Variants in MYO9A observed in about 807,000 individuals in gnomAD.
MYO9A encodes myosin IXA.
A neutral mutation model predicts 293.3 loss-of-function variants in MYO9A; 103 were observed. The observed-to-expected ratio is 0.35, with a 90% confidence interval of 0.30 to 0.41. MYO9A has a LOEUF of 0.41. MYO9A is among the 10% of genes least tolerant of loss of function. MYO9A has a pLI of 1.00. For synonymous variants in MYO9A, 1,001 were observed against 1,035.7 expected (o/e 0.97, Z 0.64); for missense variants, 2,685 against 3,033.0 (o/e 0.89, Z 2.69).
chr15:71,907,005 C>A (rs957225007), intron 19 of MYO9A, among the ~76,000 whole-genome samples: 1 of 148,908 alleles, frequency 6.7e-6, no homozygotes, highest in African/African-American at 2.5e-5. Flanking sequence ...AGGTTAGTTA[C>A]ATATGTATAC....
chr15:71,995,369 A>G (rs1481559641), intron 9 of MYO9A, among the ~76,000 whole-genome samples: 2 of 152,134 alleles, frequency 1.3e-5, no homozygotes, highest in Non-Finnish European at 2.9e-5. Context: ...TCACCCATAG[A>G]AACTTCTAGA....
intron 1 of MYO9A, among the ~76,000 whole-genome samples, chr15:72,100,435 G>C (rs1161528077): frequency 6.6e-6 from 1 of 151,894 alleles, no homozygotes; most frequent in East Asian, 1.9e-4. Context: ...TCTGGGATGT[G>C]GGGAGCCCCT....
intron 1 of MYO9A, among the ~76,000 whole-genome samples, chr15:72,053,913 A>G (rs2078644116): frequency 1.3e-5 from 2 of 152,208 alleles, no homozygotes; most frequent in Admixed American, 1.3e-4. Context: ...GAATAGGTAG[A>G]TCAAATAGAA....
chr15:71,991,278 A>T, intron 10 of MYO9A, 41 bp from the exon 11 acceptor site: 1 of 1,465,598 alleles, frequency 6.8e-7, no homozygotes, highest in South Asian at 1.3e-5. Context: ...GTAATGTTTA[A>T]ATTTATTTAA....
chr15:71,876,867 A>T (rs2056710670), intron 31 of MYO9A, among the ~76,000 whole-genome samples: 1 of 152,220 alleles, frequency 6.6e-6, no homozygotes, highest in African/African-American at 2.4e-5. Flanking sequence ...CCTGATAACC[A>T]TAGTACAGAA....
At chr15:72,031,988 C>T (rs1162618662) in intron 3 of MYO9A, among the ~76,000 whole-genome samples, 1 of 152,134 alleles carries the variant, frequency 6.6e-6, no homozygotes, top group Non-Finnish European at 1.5e-5. Context: ...CTCACTGCAA[C>T]CTCCACCTCC....
At chr15:72,065,814 T>C (rs1056576344) in intron 1 of MYO9A, among the ~76,000 whole-genome samples, 5 of 152,184 alleles carry the variant, frequency 3.3e-5, no homozygotes, top group Non-Finnish European at 5.9e-5. Flanking sequence ...TATGAGGATA[T>C]ATAAAAGGCC....
chr15:71,898,267 G>A lies in MYO9A; in HGVS notation c.4236C>T (p.Phe1412=). Residue 1412 remains phenylalanine, a synonymous_variant, in exon 25 of 42, where the codon TTC becomes TTT. Transcript: ENST00000356056. The part of the protein sequence containing the change: ...ITCKPQLKDS[F]ISNSLPTFFY... ...AAAAAGTAGGTAGACTATTTGAAAT[G>A]AAGGAGTCTTTCAGCTGTGGTTTAC... 1 of 1,614,126 alleles carries A rather than the reference G, an allele frequency of 6.2e-7. No individual in the cohort carries two copies. The highest frequency in any genetic ancestry group is 8.5e-7 in the Non-Finnish European group (1 of 1,180,024).
chr15:72,030,831 T>C (rs2149400899), intron 3 of MYO9A, among the ~76,000 whole-genome samples: 1 of 152,232 alleles, frequency 6.6e-6, no homozygotes, highest in East Asian at 1.9e-4. Flanking sequence ...TTTCTTCCTA[T>C]ACATACATAC....
intron 8 of MYO9A, among the ~76,000 whole-genome samples, chr15:72,001,553 C>CAAAAA (rs199812533): frequency 3.3e-4 from 34 of 102,428 alleles, no homozygotes; most frequent in African/African-American, 8.0e-4. Context: ...GACTCCATCT[C>CAAAAA]AAAAAAAAAA....
chr15:72,062,109 G>C (rs1406432452), intron 1 of MYO9A, among the ~76,000 whole-genome samples: 1 of 152,210 alleles, frequency 6.6e-6, no homozygotes, highest in African/African-American at 2.4e-5. Context: ...ACCTCTACGA[G>C]TCTGCAAAAG....
intron 1 of MYO9A, among the ~76,000 whole-genome samples, chr15:72,113,170 A>C (rs779566981): frequency 4.6e-5 from 7 of 152,248 alleles, no homozygotes; most frequent in Non-Finnish European, 8.8e-5. Flanking sequence ...TGAAGAAAAC[A>C]GACAAGTAAT....
At chr15:72,076,459 C>G (rs551821324) in intron 1 of MYO9A, among the ~76,000 whole-genome samples, 1 of 152,222 alleles carries the variant, frequency 6.6e-6, no homozygotes, top group East Asian at 1.9e-4. Flanking sequence ...TTTCTAAATA[C>G]TCCATGAAAG....
At position 72,039,094 on chromosome 15, in the gene MYO9A, G is replaced by C. The variant is rs183173493; in HGVS notation, c.841-6506C>G. 5.4e-3 allele frequency among the ~76,000 whole-genome samples: 814 copies of C among 152,022 alleles called. 7 individuals are homozygous for C. The highest frequency in any genetic ancestry group is 8.6e-3 in the Non-Finnish European group (586 of 67,990). ...CAAAGATAGAGACTTTTAGATTTTGGTTTTCTGATACACCAAAATATTTCG... is the reference window on the plus strand; with the variant it reads ...CAAAGATAGAGACTTTTAGATTTTGCTTTTCTGATACACCAAAATATTTCG... On this transcript the variant is annotated intron_variant, in intron 2 of 41. Coordinates refer to ENST00000356056, the MANE Select transcript of MYO9A (RefSeq NM_006901.4).
At position 71,826,358 on chromosome 15, in the gene MYO9A, A is replaced by G. The variant is rs939803891; in HGVS notation, c.*222T>C. 1.7e-5 allele frequency: 9 copies of G among 522,378 alleles called. No homozygotes were observed. The highest frequency in any genetic ancestry group is 2.6e-5 in the Non-Finnish European group (8 of 304,270). The allele number at this position is 522,378 out of a possible 1,614,324, so 32.4% of individuals were successfully genotyped here. A position where few individuals can be genotyped will look rare whatever the true frequency, so the allele number is the denominator to read the frequency against. On this transcript the variant is annotated 3_prime_UTR_variant, in exon 42 of 42. Transcript: ENST00000356056. ...GTGGCTTTGTATAGTAAAAATCTCA[A>G]TTCAAATACAACAGCCAAGGCACAG...
chr15:72,073,143 C>T (rs1216937272), intron 1 of MYO9A, among the ~76,000 whole-genome samples: 1 of 152,144 alleles, frequency 6.6e-6, no homozygotes, highest in Non-Finnish European at 1.5e-5. Flanking sequence ...ACCATTTGTT[C>T]CCACAAGCTG....
Position 71,978,309 on chromosome 15 carries a change from AT to A in MYO9A, c.1723-18del. 4 of 1,588,090 alleles carry A rather than the reference AT, an allele frequency of 2.5e-6. No homozygotes were observed. The highest frequency in any genetic ancestry group is 2.6e-6 in the Non-Finnish European group (3 of 1,167,852). ...ATATTCCTCCTAGAAAAACCAAAAAATAAAATAACAATTTATTCATCTTGCA... is the reference window on the plus strand; with the variant it reads ...ATATTCCTCCTAGAAAAACCAAAAAAAAAATAACAATTTATTCATCTTGCA... On this transcript the variant is annotated intron_variant, in intron 11 of 41. Transcript: ENST00000356056.
chr15:71,979,076 A>T (rs1324538361), intron 11 of MYO9A, among the ~76,000 whole-genome samples: 1 of 152,190 alleles, frequency 6.6e-6, no homozygotes, highest in Non-Finnish European at 1.5e-5. Context: ...CAGTACTTGC[A>T]GCACAAGTCA....
intron 27 of MYO9A, among the ~76,000 whole-genome samples, chr15:71,887,792 GA>G (rs1354243236): frequency 6.6e-6 from 1 of 152,048 alleles, no homozygotes; most frequent in Non-Finnish European, 1.5e-5. Context: ...AGGGTTGAGG[GA>G]AATTTTTCTT....
Sources: gnomAD v4.1 joint callset for allele counts (sites outside exome capture counted in the v4.1 genomes callset) on GRCh38, gnomAD v4.1.1 for gene constraint, MANE v1.5 for transcripts, NCBI Gene and HGNC (gene_info 2026-07-23, HGNC 2026-07-21) for gene names.